Variants in AKT1 observed in about 807,000 individuals in gnomAD.
AKT1 encodes AKT serine/threonine kinase 1.
In AKT1, 21 loss-of-function variants were observed where a neutral mutation model predicts 63.1. The ratio of observed to expected loss-of-function variants is 0.33; its 90% CI spans 0.24 to 0.48. AKT1 has a LOEUF of 0.48. Ranked by LOEUF, AKT1 falls within the 20% of genes least tolerant of loss-of-function variation. The probability of loss-of-function intolerance (pLI) is 0.99; values close to 1 mark genes in which losing one functional copy is unlikely to be tolerated. For missense variants in AKT1, 382 were observed against 666.0 expected, an observed-to-expected ratio of 0.57 and a Z score of 4.69; for synonymous variants, 257 against 253.1, an observed-to-expected ratio of 1.02 and a Z score of -0.15.
At chr14:104,783,734 A>AG (rs1893195018) in intron 3 of AKT1, among the ~76,000 whole-genome samples, 1 of 152,064 alleles carries the variant, frequency 6.6e-6, no homozygotes, top group Non-Finnish European at 1.5e-5. Context: ...ATTCAGGCCC[A>AG]GGGGGCCTCT....
chr14:104,775,961 C>T (rs1430349847), intron 5 of AKT1, 162 bp from the exon 6 acceptor site: 1 of 784,316 alleles, frequency 1.3e-6, no homozygotes, highest in Non-Finnish European at 2.0e-6. Context: ...GCCACATACA[C>T]TCAGGGTCAC....
intron 4 of AKT1, chr14:104,777,542 G>A: frequency 9.9e-7 from 1 of 1,015,036 alleles, no homozygotes; most frequent in Non-Finnish European, 1.2e-6. Flanking sequence ...CACACCTGGG[G>A]CACAAGCACA....
intron 5 of AKT1, 127 bp from the exon 6 acceptor site, chr14:104,775,926 G>A (rs1363507201): frequency 2.6e-6 from 3 of 1,172,154 alleles, no homozygotes; most frequent in African/African-American, 3.1e-5. Context: ...ACAGCCCTGA[G>A]GAGGCCACCA....
At chr14:104,772,840 T>TG (rs1892467149) in intron 12 of AKT1, 38 bp downstream of exon 12, 3 of 1,576,898 alleles carry the variant, frequency 1.9e-6, no homozygotes, top group South Asian at 2.3e-5. Flanking sequence ...GATGAGGGGA[T>TG]GGAGGTGTAG....
At chr14:104,772,096 GGGA>G in intron 13 of AKT1, 1 of 564,244 alleles carries the variant, frequency 1.8e-6, no homozygotes, top group Admixed American at 3.2e-5. Context: ...CACCTCCGAG[GGGA>G]GGAGGAAACT....
rs114188684 is a variant in AKT1, at chr14:104,778,872, C to G, written c.175+1216G>C. Among the ~76,000 whole-genome samples the G allele has an allele frequency of 7.8e-3, 1,185 of 152,126 alleles. 17 individuals carry two copies. The highest frequency in any genetic ancestry group is 0.027 in the African/African-American group (1,114 of 41,472). ...ATGGGGATGGAACCTAAGGCCAGCC[C>G]CTGGTGGGCACCTCGCTCTGCACCA... On this transcript the variant is annotated intron_variant, in intron 4 of 14. Transcript: ENST00000649815.
chr14:104,771,233 T>G (rs941558067), intron 13 of AKT1: 5 of 306,040 alleles, frequency 1.6e-5, no homozygotes, highest in Non-Finnish European at 3.1e-5. Context: ...AGAGGGAGAC[T>G]GTGGAACAAG....
At chr14:104,786,819 G>A (rs367797534) in intron 3 of AKT1, among the ~76,000 whole-genome samples, 8 of 152,184 alleles carry the variant, frequency 5.3e-5, no homozygotes, top group African/African-American at 1.9e-4. Context: ...GCAGCTCAGC[G>A]TCTCCGCGCC....
intron 8 of AKT1, chr14:104,774,351 C>T (rs886701835): frequency 1.5e-5 from 5 of 322,644 alleles, no homozygotes; most frequent in Non-Finnish European, 2.4e-5. Context: ...GGGCTCAGGT[C>T]CTCCAGGGTG....
At chr14:104,783,491 T>C in intron 3 of AKT1, among the ~76,000 whole-genome samples, 2 of 140,682 alleles carry the variant, frequency 1.4e-5, no homozygotes, top group Admixed American at 7.1e-5. Flanking sequence ...CCAGCTGGCA[T>C]CCCCCCACCC....
intron 4 of AKT1, chr14:104,777,251 C>CCCACACCTGGGGCACAG: frequency 9.7e-6 from 2 of 205,368 alleles, no homozygotes; most frequent in South Asian, 5.4e-5. Flanking sequence ...CTGGGGCACA[C>CCCACACCTGGGGCACAG]CCACACCTGG....
chr14:104,780,408 C>T (rs747243355), intron 3 of AKT1, among the ~76,000 whole-genome samples, 192 bp from the exon 4 acceptor site: 9 of 152,186 alleles, frequency 5.9e-5, no homozygotes, highest in African/African-American at 1.4e-4. Flanking sequence ...AAGGCAGACT[C>T]GCCCCACCAC....
chr14:104,780,445 G>A (rs898214271), intron 3 of AKT1, among the ~76,000 whole-genome samples: 4 of 152,194 alleles, frequency 2.6e-5, no homozygotes, highest in Non-Finnish European at 5.9e-5. Flanking sequence ...GAGCCACCCC[G>A]AGCTGTGTCT....
chr14:104,791,465 G>A (rs61758464), intron 3 of AKT1, among the ~76,000 whole-genome samples: 16,456 of 152,018 alleles, frequency 0.11, 1,211 homozygotes, highest in Non-Finnish European at 0.15. Context: ...TCATCTCGAG[G>A]CCCCGCGTGC....
intron 4 of AKT1, chr14:104,777,618 C>A: frequency 1.0e-6 from 1 of 991,394 alleles, no homozygotes; most frequent in Non-Finnish European, 1.2e-6. Context: ...GCTGTGGGAA[C>A]GTGCGGGGCC....
At chr14:104,777,371 C>CG (rs992073240) in intron 4 of AKT1, 72 of 241,994 alleles carry the variant, frequency 3.0e-4, no homozygotes, top group African/African-American at 1.8e-3. Context: ...GGAGGCAAAG[C>CG]CACACCTGGG....
At chr14:104,781,576 C>T (rs752414363) in intron 3 of AKT1, among the ~76,000 whole-genome samples, 17 of 152,100 alleles carry the variant, frequency 1.1e-4, no homozygotes, top group African/African-American at 2.2e-4. Flanking sequence ...CGACACATGG[C>T]CACCCCCCGG....
intron 13 of AKT1, chr14:104,771,145 CAGG>C: frequency 2.5e-6 from 1 of 401,454 alleles, no homozygotes; most frequent in Admixed American, 4.2e-5. Context: ...TCCCTGCTAC[CAGG>C]AGGTGATAAC....
intron 3 of AKT1, among the ~76,000 whole-genome samples, chr14:104,786,752 G>A (rs910104473): frequency 2.6e-5 from 4 of 152,156 alleles, no homozygotes; most frequent in Non-Finnish European, 4.4e-5. Context: ...CCCCCGGCCT[G>A]CTGGGACATT....
Sources: gnomAD v4.1 joint callset for allele counts (sites outside exome capture counted in the v4.1 genomes callset) on GRCh38, gnomAD v4.1.1 for gene constraint, MANE v1.5 for transcripts, NCBI Gene and HGNC (gene_info 2026-07-23, HGNC 2026-07-21) for gene names.